TNS3: variants seen among roughly 807,000 people sequenced by gnomAD.
The protein encoded by TNS3 is tensin-3.
TNS3 carries 45 observed loss-of-function variants against 140.9 expected under a neutral mutation model. The observed-to-expected ratio is 0.32, with a 90% CI of 0.25 to 0.41. The LOEUF (loss-of-function observed/expected upper bound fraction) is 0.41. Among genes scored for constraint, TNS3 ranks in the 10% least tolerant of loss-of-function variants. The pLI, the probability that TNS3 is intolerant of heterozygous loss-of-function variation, is 1.00. For synonymous variants in TNS3, 815 were observed against 788.4 expected (o/e 1.03, Z -0.56); for missense variants, 1,716 against 1,906.7 (o/e 0.90, Z 1.86).
chr7:47,383,496 T>A (rs1308133506), intron 16 of TNS3, among the ~76,000 whole-genome samples: 1 of 152,206 alleles, frequency 6.6e-6, no homozygotes. Context: ...GTGAACGTAC[T>A]AAAAATCAAT....
intron 20 of TNS3, among the ~76,000 whole-genome samples, chr7:47,309,293 C>G (rs1369274975): frequency 6.6e-6 from 1 of 151,952 alleles, no homozygotes; most frequent in African/African-American, 2.4e-5. Context: ...ACGAACAATT[C>G]ACTGAAATTA....
chr7:47,519,082 C>A (rs1016275293), intron 2 of TNS3, among the ~76,000 whole-genome samples: 4 of 152,208 alleles, frequency 2.6e-5, no homozygotes, highest in African/African-American at 9.7e-5. Context: ...TCACTGCCCA[C>A]TTCACAGTCC....
rs1799279052 is a variant in TNS3, at chr7:47,528,467, G to A, written c.-153+569C>T. On this transcript the variant is annotated intron_variant, in intron 2 of 30. Coordinates refer to ENST00000311160, the MANE Select transcript of TNS3 (RefSeq NM_022748.12). ...CTCCTAGTGACTCCCTCTGTGTGGT[G>A]TACCCCACTGGTCCGCCAAGCAGCC... 5.3e-5 allele frequency among the ~76,000 whole-genome samples: 8 copies of A among 152,114 alleles called. 1 individual carries two copies. Among genetic ancestry groups the A allele is most frequent in the Admixed American group, 5.2e-4 (8 of 15,282 alleles).
At chr7:47,376,537 G>A (rs79300732) in intron 16 of TNS3, among the ~76,000 whole-genome samples, 1,586 of 152,262 alleles carry the variant, frequency 0.01, 28 homozygotes, top group African/African-American at 0.036. Flanking sequence ...AGCAGGAAAC[G>A]GGAAGTCCAT....
At chr7:47,393,559 CT>C (rs941665237) in intron 16 of TNS3, among the ~76,000 whole-genome samples, 10 of 152,262 alleles carry the variant, frequency 6.6e-5, no homozygotes, top group Admixed American at 1.3e-4. Context: ...GAGTCCTCCC[CT>C]GTCACTCCAC....
intron 3 of TNS3, among the ~76,000 whole-genome samples, chr7:47,490,559 C>T (rs1400759926): frequency 1.3e-5 from 2 of 152,236 alleles, no homozygotes; most frequent in Non-Finnish European, 2.9e-5. Flanking sequence ...GGCAGAACTC[C>T]GAAGCCTGGC....
At chr7:47,481,621 G>T in intron 3 of TNS3, 1 of 973,926 alleles carries the variant, frequency 1.0e-6, no homozygotes, top group Non-Finnish European at 1.2e-6. Context: ...TCTACAAGTA[G>T]AACTGAAGAG....
intron 1 of TNS3, among the ~76,000 whole-genome samples, chr7:47,537,449 G>GC (rs1428699441): frequency 6.6e-6 from 1 of 152,128 alleles, no homozygotes; most frequent in East Asian, 2.0e-4. Flanking sequence ...GAGCGCGGAG[G>GC]CACAGGCTGA....
chr7:47,447,336 T>A (rs1397311661), intron 4 of TNS3, among the ~76,000 whole-genome samples: 1 of 152,078 alleles, frequency 6.6e-6, no homozygotes, highest in Non-Finnish European at 1.5e-5. Context: ...CACTTCCTAG[T>A]GTGTCACAGC....
chr7:47,410,798 T>G (rs964706638), intron 13 of TNS3, among the ~76,000 whole-genome samples: 1 of 152,244 alleles, frequency 6.6e-6, no homozygotes, highest in Non-Finnish European at 1.5e-5. Context: ...ATTCTATGAT[T>G]CTATGCATGC....
At chr7:47,410,490 G>A (rs1252093761) in intron 13 of TNS3, among the ~76,000 whole-genome samples, 1 of 152,216 alleles carries the variant, frequency 6.6e-6, no homozygotes, top group Non-Finnish European at 1.5e-5. Flanking sequence ...ATGTGAAACA[G>A]GACAGACCTG....
At chr7:47,577,554 A>G (rs1800703017) in intron 1 of TNS3, among the ~76,000 whole-genome samples, 1 of 152,158 alleles carries the variant, frequency 6.6e-6, no homozygotes, top group Admixed American at 6.5e-5. Context: ...AACTCCAAGC[A>G]TTGCTGACGG....
chr7:47,450,628 G>T (rs80115080), intron 4 of TNS3, among the ~76,000 whole-genome samples: 1 of 152,158 alleles, frequency 6.6e-6, no homozygotes, highest in Non-Finnish European at 1.5e-5. Flanking sequence ...CTCTTCCCAG[G>T]GGGGCTCTGA....
At chr7:47,498,202 A>C (rs1798084020) in intron 3 of TNS3, among the ~76,000 whole-genome samples, 1 of 152,198 alleles carries the variant, frequency 6.6e-6, no homozygotes, top group South Asian at 2.1e-4. Context: ...CGAAAGCCCT[A>C]GTTTAATCAA....
chr7:47,405,979 G>C (rs895821589), intron 13 of TNS3, among the ~76,000 whole-genome samples: 10 of 152,206 alleles, frequency 6.6e-5, no homozygotes, highest in Admixed American at 5.9e-4. Flanking sequence ...CTGTGGACCT[G>C]AGAGCCGAGA....
chr7:47,426,150 C>G (rs1054816056), intron 9 of TNS3, among the ~76,000 whole-genome samples: 1 of 151,962 alleles, frequency 6.6e-6, no homozygotes, highest in African/African-American at 2.4e-5. Flanking sequence ...GGCATAGTGG[C>G]GGGCACCAGT....
At chr7:47,307,129 G>C (rs1467121509) in intron 20 of TNS3, among the ~76,000 whole-genome samples, 1 of 152,194 alleles carries the variant, frequency 6.6e-6, no homozygotes, top group African/African-American at 2.4e-5. Flanking sequence ...CATCATGATT[G>C]AGATAATTAA....
intron 3 of TNS3, among the ~76,000 whole-genome samples, chr7:47,498,235 G>C (rs927040385): frequency 2.6e-5 from 4 of 152,218 alleles, no homozygotes; most frequent in Admixed American, 2.0e-4. Flanking sequence ...GCAGGCACGG[G>C]GTGCCCTTGC....
chr7:47,404,140 T>C (rs1346206083), intron 13 of TNS3, among the ~76,000 whole-genome samples: 7 of 151,932 alleles, frequency 4.6e-5, no homozygotes, highest in Non-Finnish European at 1.0e-4. Context: ...CATAGAAAAA[T>C]GAAATAAGAA....
Sources: gnomAD v4.1 joint callset for allele counts (sites outside exome capture counted in the v4.1 genomes callset) on GRCh38, gnomAD v4.1.1 for gene constraint, MANE v1.5 for transcripts, NCBI Gene and HGNC (gene_info 2026-07-23, HGNC 2026-07-21) for gene names.